The following WWOX variants were observed in gnomAD, a reference collection of about 807,000 sequenced individuals.
The protein encoded by WWOX is WW domain containing oxidoreductase.
Under a neutral mutation model 46.2 loss-of-function variants are expected in WWOX, and 69 were observed. The ratio of observed to expected loss-of-function variants is 1.49; its 90% confidence interval spans 1.23 to 1.82. The LOEUF is 1.82. Ranked by LOEUF, WWOX falls within the 40% of genes most tolerant of loss-of-function variation. The pLI, the probability that WWOX is intolerant of heterozygous loss-of-function variation, is 0.00. For synonymous variants in WWOX, 359 were observed against 202.6 expected (o/e 1.77, Z -6.56); for missense variants, 919 against 542.6 (o/e 1.69, Z -6.89).
chr16:78,837,758 AG>A (rs746250946), intron 8 of WWOX, among the ~76,000 whole-genome samples: 68 of 152,346 alleles, frequency 4.5e-4, no homozygotes, highest in South Asian at 1.2e-3. Flanking sequence ...TAATAACAAT[AG>A]CCACCATCTA....
intron 8 of WWOX, among the ~76,000 whole-genome samples, chr16:79,128,241 C>G (rs2049800692): frequency 6.6e-6 from 1 of 152,150 alleles, no homozygotes; most frequent in South Asian, 2.1e-4. Flanking sequence ...TCACTTACTC[C>G]TGATCCCATT....
intron 8 of WWOX, among the ~76,000 whole-genome samples, chr16:78,444,739 C>T (rs148469267): frequency 0.086 from 13,079 of 152,010 alleles, 715 homozygotes; most frequent in East Asian, 0.2. Flanking sequence ...ACGGTGTTAG[C>T]CAGGATGGTC....
At chr16:79,057,645 T>G (rs1294767188) in intron 8 of WWOX, among the ~76,000 whole-genome samples, 1 of 152,118 alleles carries the variant, frequency 6.6e-6, no homozygotes, top group South Asian at 2.1e-4. Flanking sequence ...TGTCTCAAGG[T>G]CCTGATAAAT....
intron 8 of WWOX, among the ~76,000 whole-genome samples, chr16:79,090,429 G>T (rs1231917728): frequency 1.3e-5 from 2 of 152,118 alleles, no homozygotes; most frequent in African/African-American, 4.8e-5. Flanking sequence ...CCCTCTATGT[G>T]CAATACCTAG....
chr16:78,995,798 G>A (rs965271803), intron 8 of WWOX, among the ~76,000 whole-genome samples: 1 of 152,116 alleles, frequency 6.6e-6, no homozygotes, highest in East Asian at 1.9e-4. Context: ...AATTGAAAGG[G>A]GCATCATTGC....
intron 8 of WWOX, among the ~76,000 whole-genome samples, chr16:78,662,246 C>G (rs2047231162): frequency 1.3e-5 from 2 of 152,084 alleles, no homozygotes; most frequent in African/African-American, 4.8e-5. Context: ...GAACCTCCTG[C>G]TATCTGTACA....
intron 8 of WWOX, among the ~76,000 whole-genome samples, chr16:79,091,760 T>TTTTTC (rs1255084243): frequency 4.2e-4 from 63 of 150,902 alleles, no homozygotes; most frequent in African/African-American, 1.3e-3. Context: ...CGACCGCATC[T>TTTTTC]TTTTCTTTTC....
intron 6 of WWOX, among the ~76,000 whole-genome samples, chr16:78,418,964 G>T (rs1489912554): frequency 6.6e-6 from 1 of 151,566 alleles, no homozygotes; most frequent in African/African-American, 2.4e-5. Flanking sequence ...AAACAAAAAA[G>T]CAAAAGAATG....
chr16:78,118,664 T>C (rs1192903205), intron 4 of WWOX, among the ~76,000 whole-genome samples: 3 of 152,188 alleles, frequency 2.0e-5, no homozygotes, highest in Non-Finnish European at 2.9e-5. Flanking sequence ...CTCGCAAAAC[T>C]GTAAATATTT....
At chr16:78,837,873 A>G (rs1349095912) in intron 8 of WWOX, among the ~76,000 whole-genome samples, 2 of 152,168 alleles carry the variant, frequency 1.3e-5, no homozygotes, top group Non-Finnish European at 2.9e-5. Context: ...ATATAAAGGT[A>G]AGTATTATTG....
intron 8 of WWOX, among the ~76,000 whole-genome samples, chr16:78,714,056 G>A (rs773232910): frequency 6.6e-6 from 1 of 152,168 alleles, no homozygotes; most frequent in African/African-American, 2.4e-5. Context: ...AAGGCAAAAT[G>A]ATGACTTAAA....
chr16:79,185,960 G>C (rs2051005833), intron 8 of WWOX, among the ~76,000 whole-genome samples: 2 of 151,636 alleles, frequency 1.3e-5, no homozygotes, highest in South Asian at 4.2e-4. Flanking sequence ...GTGTGTGTGT[G>C]TGCATGCGTG....
At chr16:79,192,098 C>A (rs2051148050) in intron 8 of WWOX, among the ~76,000 whole-genome samples, 1 of 152,190 alleles carries the variant, frequency 6.6e-6, no homozygotes, top group Admixed American at 6.5e-5. Flanking sequence ...AGGGTATTTC[C>A]AGATAATGTA....
chr16:79,171,605 A>C lies in WWOX; in HGVS notation c.1057-40003A>C, dbSNP rs117896168. On this transcript the variant is annotated intron_variant, in intron 8 of 8. Transcript: ENST00000566780. ...CACAGTGGGCTTACAAATGCTCTTC[A>C]AGAGTATCTCAGTGTTGAGTCCAGC... Among the ~76,000 whole-genome samples, 17 of 152,278 alleles carry C rather than the reference A, an allele frequency of 1.1e-4. No individual in the cohort carries two copies. In the East Asian group the frequency reaches 3.1e-3, roughly 28 times the overall value.
At chr16:78,831,176 C>T (rs1054868308) in intron 8 of WWOX, among the ~76,000 whole-genome samples, 1 of 152,140 alleles carries the variant, frequency 6.6e-6, no homozygotes, top group Admixed American at 6.5e-5. Flanking sequence ...GGGCTGAAGA[C>T]CCTGGCTGTC....
At chr16:78,222,062 C>G (rs541010977) in intron 5 of WWOX, among the ~76,000 whole-genome samples, 1 of 152,110 alleles carries the variant, frequency 6.6e-6, no homozygotes, top group Non-Finnish European at 1.5e-5. Context: ...CTGTGGAATT[C>G]GCCTCAGATG....
chr16:78,795,062 C>T (rs2050701973), intron 8 of WWOX, among the ~76,000 whole-genome samples: 1 of 152,058 alleles, frequency 6.6e-6, no homozygotes, highest in Non-Finnish European at 1.5e-5. Context: ...TCATTTTGGA[C>T]GTTGGTGCTT....
chr16:78,952,851 C>T (rs141796559), intron 8 of WWOX, among the ~76,000 whole-genome samples: 7 of 152,212 alleles, frequency 4.6e-5, no homozygotes, highest in African/African-American at 7.2e-5. Context: ...AATAAATCTG[C>T]GCTTTAGAGG....
intron 8 of WWOX, among the ~76,000 whole-genome samples, chr16:79,135,473 CATCT>C (rs1244364001): frequency 1.3e-5 from 2 of 152,154 alleles, no homozygotes; most frequent in African/African-American, 4.8e-5. Flanking sequence ...TAAATCTATT[CATCT>C]ATCCATCTAT....
Sources: gnomAD v4.1 joint callset for allele counts (sites outside exome capture counted in the v4.1 genomes callset) on GRCh38, gnomAD v4.1.1 for gene constraint, MANE v1.5 for transcripts, NCBI Gene and HGNC (gene_info 2026-07-23, HGNC 2026-07-21) for gene names.